PLEKHG1: variants seen among roughly 807,000 people sequenced by gnomAD.
The protein encoded by PLEKHG1 is pleckstrin homology and RhoGEF domain containing G1, also known as pleckstrin homology domain-containing family G member 1.
A neutral mutation model predicts 100.8 loss-of-function variants in PLEKHG1; 44 were observed. That is an observed-to-expected ratio of 0.44 (90% CI 0.34 to 0.56). The LOEUF is 0.56. PLEKHG1 is among the 20% of genes least tolerant of loss of function. PLEKHG1 has a pLI of 0.01. For missense variants in PLEKHG1, 1,545 were observed against 1,720.9 expected (o/e 0.90, Z 1.81); for synonymous variants, 640 against 662.5 (o/e 0.97, Z 0.52).
At chr6:150,786,913 A>G (rs1785657126) in intron 4 of PLEKHG1, among the ~76,000 whole-genome samples, 1 of 151,846 alleles carries the variant, frequency 6.6e-6, no homozygotes, top group African/African-American at 2.4e-5. Flanking sequence ...CTGTAATCCC[A>G]GCTACTAGGG....
chr6:150,790,607 T>C (rs1263758245), intron 4 of PLEKHG1, among the ~76,000 whole-genome samples: 1 of 152,228 alleles, frequency 6.6e-6, no homozygotes, highest in East Asian at 1.9e-4. Context: ...CATAATACTG[T>C]TCTTTGCAGT....
chr6:150,620,692 C>T (rs1415857033), intron 1 of PLEKHG1, among the ~76,000 whole-genome samples: 3 of 152,208 alleles, frequency 2.0e-5, no homozygotes, highest in Non-Finnish European at 4.4e-5. Flanking sequence ...TGTGTTCATT[C>T]AGCAAATATC....
chr6:150,780,126 C>T (rs1247573077), intron 3 of PLEKHG1, among the ~76,000 whole-genome samples: 1 of 145,386 alleles, frequency 6.9e-6, no homozygotes, highest in Non-Finnish European at 1.5e-5. Context: ...CTATTATTTT[C>T]CTTTTCTTTA....
chr6:150,812,789 T>G (rs1583180669), intron 10 of PLEKHG1, among the ~76,000 whole-genome samples: 5 of 147,086 alleles, frequency 3.4e-5, no homozygotes, highest in East Asian at 2.0e-4. Context: ...CCTGGGGAGG[T>G]GGGAAGGAAG....
intron 1 of PLEKHG1, among the ~76,000 whole-genome samples, chr6:150,626,820 G>A (rs1407060216): frequency 6.6e-6 from 1 of 152,204 alleles, no homozygotes; most frequent in African/African-American, 2.4e-5. Flanking sequence ...GTATGTGTAT[G>A]TGTGTGTGCG....
At chr6:150,682,144 G>A (rs1779957480) in intron 3 of PLEKHG1, among the ~76,000 whole-genome samples, 1 of 152,148 alleles carries the variant, frequency 6.6e-6, no homozygotes, top group Admixed American at 6.5e-5. Context: ...TGCATGGTGA[G>A]GCCTGAGCCT....
intron 15 of PLEKHG1, among the ~76,000 whole-genome samples, chr6:150,837,444 T>C (rs1010958444): frequency 2.0e-5 from 3 of 152,248 alleles, no homozygotes; most frequent in African/African-American, 7.2e-5. Context: ...TTGGATGATA[T>C]GTGATTTCAG....
At chr6:150,654,751 A>G (rs1462373225) in intron 3 of PLEKHG1, among the ~76,000 whole-genome samples, 1 of 152,252 alleles carries the variant, frequency 6.6e-6, no homozygotes, top group Non-Finnish European at 1.5e-5. Flanking sequence ...TGATGGATTT[A>G]TTGTAAGGCA....
intron 6 of PLEKHG1, among the ~76,000 whole-genome samples, chr6:150,801,524 G>A (rs368728868): frequency 5.6e-5 from 8 of 143,412 alleles, no homozygotes; most frequent in African/African-American, 1.6e-4. Context: ...TGCAACCTCC[G>A]CCTCCTGGGC....
At chr6:150,841,596 G>A (rs1373911999) in exon 16 of PLEKHG1, 1 of 152,242 alleles carries the variant, frequency 6.6e-6, no homozygotes, top group Non-Finnish European at 1.5e-5. Flanking sequence ...TATAATTTCT[G>A]GGGTGAAATG....
intron 13 of PLEKHG1, among the ~76,000 whole-genome samples, chr6:150,823,437 A>T (rs1338521700): frequency 6.6e-6 from 1 of 152,186 alleles, no homozygotes; most frequent in African/African-American, 2.4e-5. Flanking sequence ...GAAGACAACT[A>T]GTGCTCAGAT....
intron 1 of PLEKHG1, among the ~76,000 whole-genome samples, chr6:150,608,978 A>G (rs368011220): frequency 6.6e-6 from 1 of 152,218 alleles, no homozygotes; most frequent in Non-Finnish European, 1.5e-5. Context: ...GTTGTCACAC[A>G]TAAGTTTTAT....
In PLEKHG1 at chr6:150,830,900, G is replaced by A. The variant is rs1365974414; in HGVS notation, c.1789G>A (p.Glu597Lys). The A allele has an allele frequency of 1.9e-6, 3 of 1,614,176 alleles. No individual in the cohort carries two copies. The highest frequency in any genetic ancestry group is 4.5e-5 in the East Asian group (2 of 44,876). ...GCATATGGGACAGATGGAGTCCACAGAGACCTCCAGCTCTGGTCACAGGAT... is the reference window on the plus strand; with the variant it reads ...GCATATGGGACAGATGGAGTCCACAAAGACCTCCAGCTCTGGTCACAGGAT... Residue 597 changes from glutamate to lysine, a missense_variant, in exon 15 of 16, where the codon GAG becomes AAG. Physicochemically the swap from Glu to Lys is moderately conservative, Grantham distance 56 (BLOSUM62 1). Coordinates refer to ENST00000358517, the Ensembl canonical transcript of PLEKHG1.
intron 1 of PLEKHG1, among the ~76,000 whole-genome samples, chr6:150,725,288 G>GC (rs1027974390): frequency 2.8e-4 from 42 of 152,078 alleles, no homozygotes; most frequent in African/African-American, 8.9e-4. Flanking sequence ...TCTCCCAACA[G>GC]CCCCCCCTCC....
intron 1 of PLEKHG1, among the ~76,000 whole-genome samples, chr6:150,636,167 C>T (rs1777989291): frequency 6.6e-6 from 1 of 152,156 alleles, no homozygotes; most frequent in South Asian, 2.1e-4. Flanking sequence ...GATACCTCTT[C>T]AGGGTCATTA....
chr6:150,791,755 A>G (rs868024601), intron 4 of PLEKHG1, among the ~76,000 whole-genome samples: 38 of 152,312 alleles, frequency 2.5e-4, no homozygotes, highest in Admixed American at 3.3e-4. Context: ...AATATTTTAC[A>G]TAATTATAGA....
At chr6:150,729,369 G>A (rs1331682647) in intron 1 of PLEKHG1, among the ~76,000 whole-genome samples, 3 of 152,194 alleles carry the variant, frequency 2.0e-5, no homozygotes, top group African/African-American at 4.8e-5. Context: ...GCCTGGCTGC[G>A]TTTCAAGTTC....
intron 13 of PLEKHG1, among the ~76,000 whole-genome samples, chr6:150,821,984 A>G (rs13211018): frequency 6.6e-6 from 1 of 150,784 alleles, no homozygotes; most frequent in Non-Finnish European, 1.5e-5. Flanking sequence ...TGGGATTACA[A>G]GCATGTGCCA....
At chr6:150,801,358 T>A (rs1408753577) in intron 6 of PLEKHG1, among the ~76,000 whole-genome samples, 1 of 152,106 alleles carries the variant, frequency 6.6e-6, no homozygotes, top group African/African-American at 2.4e-5. Flanking sequence ...TATATTATTT[T>A]CCACTACTTT....
Sources: gnomAD v4.1 joint callset for allele counts (sites outside exome capture counted in the v4.1 genomes callset) on GRCh38, gnomAD v4.1.1 for gene constraint, MANE v1.5 for transcripts, NCBI Gene and HGNC (gene_info 2026-07-23, HGNC 2026-07-21) for gene names.